Variants in ELAVL4 observed in about 807,000 individuals in gnomAD.
ELAVL4 encodes ELAV-like protein 4.
ELAVL4 carries 1 observed loss-of-function variant against 35.6 expected under a neutral mutation model. That is an observed-to-expected ratio of 0.03 (90% CI 0.01 to 0.13). The LOEUF (loss-of-function observed/expected upper bound fraction) is 0.13. ELAVL4 is among the 10% of genes least tolerant of loss of function. The pLI, the probability that ELAVL4 is intolerant of heterozygous loss-of-function variation, is 1.00. For synonymous variants in ELAVL4, 156 were observed against 171.0 expected, an observed-to-expected ratio of 0.91 and a Z score of 0.69; for missense variants, 267 against 464.9, an observed-to-expected ratio of 0.57 and a Z score of 3.91.
At chr1:50,174,388 T>C (rs1318052955) in intron 2 of ELAVL4, 1 of 152,214 alleles carries the variant, frequency 6.6e-6, no homozygotes, top group Non-Finnish European at 1.5e-5. Flanking sequence ...TTCTATGCAA[T>C]GTTCTGTTTT....
chr1:50,183,039 G>A (rs12067764), intron 3 of ELAVL4, among the ~76,000 whole-genome samples: 20 of 151,866 alleles, frequency 1.3e-4, no homozygotes, highest in African/African-American at 4.4e-4. Context: ...TGTATTTTTA[G>A]TAGAGACAGG....
Position 50,183,354 on chromosome 1 carries a change from T to G in ELAVL4, c.354+6162T>G, listed in dbSNP as rs1681344497. On this transcript the variant is annotated intron_variant, in intron 3 of 6. Coordinates refer to ENST00000371824, the MANE Select transcript of ELAVL4 (RefSeq NM_001144774.3). ...GGTAAAAGAGCTGCTCCTGCCACTC[T>G]GAGCAAATCTATGAGAGTTAGCACT... 2.0e-5 allele frequency among the ~76,000 whole-genome samples: 3 copies of G among 152,180 alleles called. No homozygotes were observed. The South Asian group carries it at 6.2e-4, about 32-fold the overall frequency.
chr1:50,177,262 T>C, intron 3 of ELAVL4, 70 bp downstream of exon 3: 1 of 1,233,500 alleles, frequency 8.1e-7, no homozygotes, highest in Non-Finnish European at 1.2e-6. Flanking sequence ...ATCTGGTAAA[T>C]CCAGGCTATG....
chr1:50,109,016 C>CGGGGGGCGG lies in ELAVL4; in HGVS notation c.-174_-173insGGGGGGCGG. 9.9e-6 allele frequency: 9 copies of CGGGGGGCGG among 905,584 alleles called. No homozygotes were observed. The highest frequency in any genetic ancestry group is 1.1e-5 in the Non-Finnish European group (8 of 761,214). 56.1% of individuals were successfully genotyped at this position (905,584 alleles called of 1,614,324 possible). ...CTCCTTTTCTTTTTTTTCTTTCTCT[C>CGGGGGGCGG]CCCCGCCCACCCCCCCAAAAATAAT... On this transcript the variant is annotated 5_prime_UTR_variant, in exon 1 of 7. Transcript: ENST00000371824.
chr1:50,184,214 G>C (rs535463080), intron 3 of ELAVL4, among the ~76,000 whole-genome samples: 1 of 152,258 alleles, frequency 6.6e-6, no homozygotes, highest in Non-Finnish European at 1.5e-5. Context: ...TCTCTGCTCA[G>C]TGAAGGTGAT....
intron 1 of ELAVL4, among the ~76,000 whole-genome samples, chr1:50,139,447 G>T (rs951329533): frequency 6.6e-6 from 1 of 152,250 alleles, no homozygotes; most frequent in African/African-American, 2.4e-5. Flanking sequence ...ACAGGGTTGG[G>T]CTTCATGGAC....
At chr1:50,198,728 T>C (rs1350525181) in intron 6 of ELAVL4, among the ~76,000 whole-genome samples, 3 of 152,176 alleles carry the variant, frequency 2.0e-5, no homozygotes, top group Non-Finnish European at 2.9e-5. Flanking sequence ...ATAGATAAGA[T>C]AGGGGAAGAC....
intron 3 of ELAVL4, among the ~76,000 whole-genome samples, chr1:50,181,839 A>G (rs1405792863): frequency 6.6e-6 from 1 of 152,132 alleles, no homozygotes; most frequent in East Asian, 1.9e-4. Flanking sequence ...ATGCACTACC[A>G]CGCCCGGCTA....
intron 2 of ELAVL4, among the ~76,000 whole-genome samples, chr1:50,160,327 G>T (rs192112029): frequency 6.6e-6 from 1 of 152,156 alleles, no homozygotes; most frequent in Non-Finnish European, 1.5e-5. Flanking sequence ...ATTTCTGCAT[G>T]AGTTGTTCTT....
At position 50,119,076 on chromosome 1, in the gene ELAVL4, G is replaced by GAAAGA. The variant is rs1553170360; in HGVS notation, c.9+9881_9+9885dup. 5.8e-5 allele frequency among the ~76,000 whole-genome samples: 8 copies of GAAAGA among 136,802 alleles called. No homozygotes were observed. The East Asian group carries it at 1.7e-3, about 29-fold the overall frequency. The allele number at this position is 136,802 out of a possible 152,430, so 89.7% of individuals were successfully genotyped here. A position where few individuals can be genotyped will look rare whatever the true frequency, so the allele number is the denominator to read the frequency against. On this transcript the variant is annotated intron_variant, in intron 1 of 6. Coordinates refer to ENST00000371824, the MANE Select transcript of ELAVL4 (RefSeq NM_001144774.3). ...AGAAAGAAAGAAAGAAAGAAAGAAA[G>GAAAGA]AAAGAAAGAAAGAAAGAAAAAGAAA...
intron 1 of ELAVL4, among the ~76,000 whole-genome samples, chr1:50,075,667 A>G (rs1664727380): frequency 6.6e-6 from 1 of 152,184 alleles, no homozygotes; most frequent in Admixed American, 6.5e-5. Flanking sequence ...GGTTCAACTT[A>G]CTATTTTTTG....
At chr1:50,097,619 G>A (rs2148510743) in intron 1 of ELAVL4, among the ~76,000 whole-genome samples, 1 of 152,136 alleles carries the variant, frequency 6.6e-6, no homozygotes, top group East Asian at 1.9e-4. Flanking sequence ...AATTAAAATG[G>A]ATCTTACTTT....
At chr1:50,066,041 G>A (rs1664247058) in intron 1 of ELAVL4, among the ~76,000 whole-genome samples, 1 of 152,180 alleles carries the variant, frequency 6.6e-6, no homozygotes, top group South Asian at 2.1e-4. Context: ...CCCAGATACA[G>A]GAGTGGGGAA....
At chr1:50,188,381 G>A (rs1326773956) in intron 3 of ELAVL4, among the ~76,000 whole-genome samples, 1 of 152,124 alleles carries the variant, frequency 6.6e-6, no homozygotes, top group Non-Finnish European at 1.5e-5. Flanking sequence ...CAGAATGCCT[G>A]GCTCATGAAA....
chr1:50,177,616 T>TGGATGGGAAGGTGAAAAGATGA (rs1680270934), intron 3 of ELAVL4, among the ~76,000 whole-genome samples: 2 of 152,076 alleles, frequency 1.3e-5, no homozygotes, highest in Non-Finnish European at 2.9e-5. Flanking sequence ...GGCCTAAGTT[T>TGGATGGGAAGGTGAAAAGATGA]GGATGGGAAG....
rs192862883 is a variant in ELAVL4 at position 50,059,524 on chromosome 1, A to T, written c.18+11342A>T. 2.5e-3 allele frequency among the ~76,000 whole-genome samples: 383 copies of T among 151,622 alleles called. 2 individuals are homozygous for T. The highest frequency in any genetic ancestry group is 8.2e-3 in the African/African-American group (338 of 41,382). On this transcript the variant is annotated intron_variant, in intron 1 of 6. Transcript: ENST00000448907. The stretch of plus-strand genomic sequence containing the variant: ...ACACCTACTAGCATGGCTATGATTT[A>T]AAAAAAAAGTATTGGTGAGGAGGTT...
chr1:50,161,591 G>A (rs1027037567), intron 2 of ELAVL4, among the ~76,000 whole-genome samples: 4 of 151,984 alleles, frequency 2.6e-5, no homozygotes, highest in African/African-American at 4.8e-5. Context: ...TCAGTTTTTC[G>A]TTTATTGAGG....
At chr1:50,195,425 T>C (rs1431256077) in intron 4 of ELAVL4, 136 bp from the exon 5 acceptor site, 1 of 877,254 alleles carries the variant, frequency 1.1e-6, no homozygotes, top group African/African-American at 1.7e-5. Context: ...GTGAGAGAGA[T>C]CAGGGAGCTG....
chr1:50,182,706 ATTGGT>A (rs983223662), intron 3 of ELAVL4, among the ~76,000 whole-genome samples: 69 of 152,272 alleles, frequency 4.5e-4, no homozygotes, highest in Non-Finnish European at 8.5e-4. Flanking sequence ...AGCCTTAGAC[ATTGGT>A]TTTCATCAGC....
Sources: gnomAD v4.1 joint callset for allele counts (sites outside exome capture counted in the v4.1 genomes callset) on GRCh38, gnomAD v4.1.1 for gene constraint, MANE v1.5 for transcripts, NCBI Gene and HGNC (gene_info 2026-07-23, HGNC 2026-07-21) for gene names.